Variants in KIAA1217 observed in about 807,000 individuals in gnomAD.
KIAA1217 encodes sickle tail protein homolog.
In KIAA1217, 88 loss-of-function variants were observed where a neutral mutation model predicts 163.9. That is an observed-to-expected ratio of 0.54 (90% CI 0.45 to 0.64). KIAA1217 has a LOEUF of 0.64. Ranked by LOEUF, KIAA1217 falls within the 30% of genes least tolerant of loss-of-function variation. The pLI is 0.00. For synonymous variants in KIAA1217, 903 were observed against 923.1 expected, an observed-to-expected ratio of 0.98 and a Z score of 0.39; for missense variants, 2,372 against 2,475.0, an observed-to-expected ratio of 0.96 and a Z score of 0.88.
intron 2 of KIAA1217, among the ~76,000 whole-genome samples, chr10:24,312,554 G>A (rs917991133): frequency 5.3e-5 from 8 of 152,174 alleles, no homozygotes; most frequent in East Asian, 1.9e-4. Flanking sequence ...GGGAAGCGGA[G>A]GTTGCAGTGA....
chr10:24,507,002 C>T (rs1217606275), intron 9 of KIAA1217, among the ~76,000 whole-genome samples: 1 of 152,244 alleles, frequency 6.6e-6, no homozygotes, highest in Non-Finnish European at 1.5e-5. Context: ...CCGAAGTTCA[C>T]ACAGGCCTGG....
At chr10:24,354,274 G>C (rs577467635) in intron 2 of KIAA1217, among the ~76,000 whole-genome samples, 1 of 152,206 alleles carries the variant, frequency 6.6e-6, no homozygotes, top group African/African-American at 2.4e-5. Context: ...CTCACAGGAC[G>C]TGAGACAGGG....
intron 1 of KIAA1217, among the ~76,000 whole-genome samples, chr10:23,893,035 T>A (rs1841483929): frequency 6.6e-6 from 1 of 152,048 alleles, no homozygotes; most frequent in African/African-American, 2.4e-5. Flanking sequence ...TCTCTCTTTT[T>A]CTATTGATTG....
chr10:24,138,646 C>CA (rs35117486), intron 2 of KIAA1217, among the ~76,000 whole-genome samples: 99,350 of 143,850 alleles, frequency 0.69, 34,579 homozygotes, highest in Non-Finnish European at 0.77. Flanking sequence ...ATTCATTAAC[C>CA]AAAAAAAAAA....
Position 23,790,480 on chromosome 10 carries a change from C to A in KIAA1217, c.-321+95246C>A, listed in dbSNP as rs1210127962. Among the ~76,000 whole-genome samples the A allele has an allele frequency of 4.9e-5, 5 of 102,006 alleles. 2 individuals are homozygous for A. Among genetic ancestry groups the A allele is most frequent in the African/African-American group, 2.4e-4 (5 of 20,776 alleles). The allele number at this position is 102,006 out of a possible 152,430, so 66.9% of individuals were successfully genotyped here. On this transcript the variant is annotated intron_variant, in intron 1 of 18. Coordinates refer to the KIAA1217 transcript ENST00000376462. ...GTGCATATATACATATATACATGTG[C>A]ATATATACATATATACATGTGCATA...
At chr10:24,531,502 A>G (rs539478893) in intron 14 of KIAA1217, among the ~76,000 whole-genome samples, 1 of 152,306 alleles carries the variant, frequency 6.6e-6, no homozygotes, top group Non-Finnish European at 1.5e-5. Flanking sequence ...TTATTTAATA[A>G]TAGTAGGTAA....
intron 3 of KIAA1217, among the ~76,000 whole-genome samples, chr10:24,424,209 G>A (rs1048243419): frequency 1.3e-5 from 2 of 152,200 alleles, no homozygotes; most frequent in South Asian, 4.1e-4. Flanking sequence ...TTAACAGCGG[G>A]AGAGTTCTCT....
At position 24,544,408 on chromosome 10, in the gene KIAA1217, G is replaced by A. The variant is rs537084295; in HGVS notation, c.5138G>A (p.Arg1713Gln). 1.1e-5 allele frequency: 17 copies of A among 1,613,832 alleles called. No individual in the cohort carries two copies. The highest frequency in any genetic ancestry group is 1.3e-5 in the African/African-American group (1 of 74,842). Reference protein sequence around the residue: ...SSHIAQEASPRPLLVPDEGPT... With the variant: ...SSHIAQEASPQPLLVPDEGPT... ...CACATAGCCCAAGAGGCCTCTCCCC[G>A]ACCCTTGCTAGTTCCGGATGAAGGT... The change falls in exon 19 of 21, where the codon CGA becomes CAA. Residue 1713 changes from arginine (R) to glutamine (Q), a missense_variant. Coordinates refer to ENST00000376454, the MANE Select transcript of KIAA1217 (RefSeq NM_019590.5).
intron 11 of KIAA1217, among the ~76,000 whole-genome samples, chr10:24,521,535 AC>A (rs2071279307): frequency 6.6e-6 from 1 of 152,012 alleles, no homozygotes; most frequent in African/African-American, 2.4e-5. Flanking sequence ...AATAATAATA[AC>A]CCTAATGGTC....
rs146773509 is a variant in KIAA1217 at position 24,494,488 on chromosome 10, C to G, written c.1680-12C>G. 6,574 of 1,601,660 alleles carry G rather than the reference C, an allele frequency of 4.1e-3. 191 individuals carry two copies. The Admixed American group carries it at 0.061, about 15-fold the overall frequency. On this transcript the variant is annotated splice_polypyrimidine_tract_variant and intron_variant, in intron 6 of 20. Coordinates refer to ENST00000376454, the MANE Select transcript of KIAA1217 (RefSeq NM_019590.5). Reference sequence around the variant, plus strand: ...CCATAAAGCTTTAACAAACAATTCTCTTGTTTTACAGAGAGAGGATGCAAG... The same window carrying G: ...CCATAAAGCTTTAACAAACAATTCTGTTGTTTTACAGAGAGAGGATGCAAG...
At position 24,474,416 on chromosome 10, in the gene KIAA1217, CATA is replaced by C. The variant is rs1204310308; in HGVS notation, c.1679+362_1679+364del. Among the ~76,000 whole-genome samples the C allele has an allele frequency of 3.3e-5, 5 of 152,168 alleles. No homozygotes were observed. In the South Asian group the frequency reaches 1.0e-3, roughly 31 times the overall value. On this transcript the variant is annotated intron_variant, in intron 6 of 20. Transcript: ENST00000376454. ...AAGACAGATGAAAAGATCAAAAGGT[CATA>C]ATAATTGATCTGCTACTGCTGAAAA...
At chr10:23,744,569 C>T (rs1015166123) in intron 1 of KIAA1217, among the ~76,000 whole-genome samples, 1 of 152,122 alleles carries the variant, frequency 6.6e-6, no homozygotes, top group Non-Finnish European at 1.5e-5. Context: ...TAACAAGTCT[C>T]TCCAAAGGCA....
At chr10:23,912,560 A>C (rs10764432) in intron 1 of KIAA1217, among the ~76,000 whole-genome samples, 65,665 of 151,844 alleles carry the variant, frequency 0.43, 17,034 homozygotes, top group African/African-American at 0.73. Flanking sequence ...TTTAGCTCCC[A>C]CTTACAAGTA....
At chr10:23,740,067 C>T (rs867062012) in intron 1 of KIAA1217, among the ~76,000 whole-genome samples, 3 of 113,592 alleles carry the variant, frequency 2.6e-5, no homozygotes, top group South Asian at 2.4e-4. Flanking sequence ...ATTTGAGATG[C>T]CTATGTAAGT....
chr10:24,525,033 G>C (rs1564861595), intron 13 of KIAA1217, among the ~76,000 whole-genome samples: 1 of 108,636 alleles, frequency 9.2e-6, no homozygotes, highest in Admixed American at 9.7e-5. Flanking sequence ...ACAGCAGTGT[G>C]CTGGTAAATG....
intron 1 of KIAA1217, among the ~76,000 whole-genome samples, chr10:23,858,418 C>T (rs898491930): frequency 6.6e-6 from 1 of 151,974 alleles, no homozygotes; most frequent in African/African-American, 2.4e-5. Flanking sequence ...TTCACCACAA[C>T]AGCATATATA....
chr10:23,913,091 C>T (rs16924055), intron 1 of KIAA1217, among the ~76,000 whole-genome samples: 13,783 of 152,132 alleles, frequency 0.091, 2,096 homozygotes, highest in African/African-American at 0.31. Context: ...GGTCACCCTG[C>T]GGGTAACTTG....
At chr10:24,128,513 T>C (rs7902917) in intron 2 of KIAA1217, among the ~76,000 whole-genome samples, 35,969 of 152,204 alleles carry the variant, frequency 0.24, 4,424 homozygotes, top group East Asian at 0.45. Context: ...TTTGCGCTGC[T>C]TTTGTTGATC....
chr10:23,737,184 A>T (rs1838855832), intron 1 of KIAA1217, among the ~76,000 whole-genome samples: 1 of 152,076 alleles, frequency 6.6e-6, no homozygotes, highest in South Asian at 2.1e-4. Context: ...GTGTGTTTTA[A>T]ATTCTACCAG....
Sources: allele counts gnomAD v4.1 joint callset (sites outside exome capture counted in the v4.1 genomes callset), GRCh38; gene constraint gnomAD v4.1.1; transcripts MANE v1.5; gene names NCBI Gene and HGNC (gene_info 2026-07-23, HGNC 2026-07-21).